RGPD3: variants seen among roughly 807,000 people sequenced by gnomAD.
RGPD3 encodes the protein ranBP2-like and GRIP domain-containing protein 3.
RGPD3 carries 62 observed loss-of-function variants against 154.5 expected under a neutral mutation model. The observed-to-expected ratio is 0.40, with a 90% CI of 0.33 to 0.50. The LOEUF is 0.50. RGPD3 is among the 20% of genes least tolerant of loss of function. The probability of loss-of-function intolerance (pLI) is 0.59; values close to 1 mark genes in which losing one functional copy is unlikely to be tolerated. For missense variants in RGPD3, 919 were observed against 1,716.8 expected (o/e 0.54, Z 8.21); for synonymous variants, 308 against 607.0 (o/e 0.51, Z 7.24).
intron 1 of RGPD3, among the ~76,000 whole-genome samples, chr2:106,464,187 C>T (rs1678488927): frequency 1.3e-5 from 2 of 151,792 alleles, no homozygotes; most frequent in Middle Eastern, 3.4e-3. Flanking sequence ...CTACTAAAAA[C>T]ACTAAAAAAT....
intron 18 of RGPD3, among the ~76,000 whole-genome samples, chr2:106,427,021 A>C (rs1445578689): frequency 2.6e-5 from 4 of 151,672 alleles, no homozygotes; most frequent in African/African-American, 4.8e-5. Context: ...AAAGTCTTGC[A>C]AGATGTCTGT....
chr2:106,408,681 T>A (rs1370496298), intron 22 of RGPD3, among the ~76,000 whole-genome samples: 1 of 150,232 alleles, frequency 6.7e-6, no homozygotes, highest in Non-Finnish European at 1.5e-5. Flanking sequence ...TATTTCTTAA[T>A]TTTTTTTTAA....
At position 106,424,942 on chromosome 2, in the gene RGPD3, C is replaced by T. The variant is rs983419486; in HGVS notation, c.3025G>A (p.Gly1009Ser). The T allele has an allele frequency of 1.2e-5, 19 of 1,611,710 alleles. No individual in the cohort carries two copies. Among genetic ancestry groups the T allele is most frequent in the Non-Finnish European group, 1.6e-5 (19 of 1,179,832 alleles). Residue 1009 changes from glycine (G) to serine (S), a missense_variant, in exon 20 of 23, where the codon GGT becomes AGT. Coordinates refer to ENST00000409886, the MANE Select transcript of RGPD3 (RefSeq NM_001144013.2). ...GTGTTTGCTTTATTGGCCATTTTAC[C>T]GTATTGTGATGAGAATAATTTTTCT... is the stretch of plus-strand genomic sequence containing the variant. ...AGEKLFSSQY[G>S]KMANKANTSG... is the part of the protein sequence containing the mutation.
In RGPD3 at chr2:106,405,123, T is replaced by C. The variant is rs1317822228; in HGVS notation, c.*96A>G. The C allele has an allele frequency of 1.3e-6, 2 of 1,567,972 alleles. No individual in the cohort carries two copies. The highest frequency in any genetic ancestry group is 2.2e-5 in the East Asian group (1 of 44,500). ...CACATGAACCATTTTTGTAAATAGA[T>C]TTTATTTGGTTAATAAAAACATTCC... On this transcript the variant is annotated 3_prime_UTR_variant, in exon 23 of 23. Coordinates refer to ENST00000409886, the MANE Select transcript of RGPD3 (RefSeq NM_001144013.2).
At chr2:106,426,779 C>G (rs1214231184) in intron 18 of RGPD3, among the ~76,000 whole-genome samples, 1 of 152,244 alleles carries the variant, frequency 6.6e-6, no homozygotes, top group African/African-American at 2.4e-5. Context: ...AGAAAACAAC[C>G]AAAAGATCTT....
At chr2:106,456,855 G>T in intron 4 of RGPD3, 116 bp downstream of exon 4, 1 of 1,501,988 alleles carries the variant, frequency 6.7e-7, no homozygotes, top group East Asian at 2.3e-5. Flanking sequence ...AAAGAAAAAT[G>T]TTAAAGGAAA....
intron 1 of RGPD3, among the ~76,000 whole-genome samples, chr2:106,465,831 G>A (rs1179250300): frequency 6.6e-6 from 1 of 151,590 alleles, no homozygotes; most frequent in Non-Finnish European, 1.5e-5. Context: ...CCTTACAAAG[G>A]GACAGCGACA....
intron 6 of RGPD3, among the ~76,000 whole-genome samples, chr2:106,449,080 C>T (rs1480915220): frequency 2.6e-5 from 4 of 151,572 alleles, no homozygotes; most frequent in East Asian, 3.9e-4. Flanking sequence ...TTCTATTAAG[C>T]GAGACATTAA....
chr2:106,438,005 C>G (rs1349898715), intron 9 of RGPD3, among the ~76,000 whole-genome samples: 1 of 152,236 alleles, frequency 6.6e-6, no homozygotes, highest in Non-Finnish European at 1.5e-5. Context: ...GATCTTGGCT[C>G]ACTGCAACCT....
upstream of RGPD3, among the ~76,000 whole-genome samples, chr2:106,469,207 C>T (rs1467458352): frequency 7.2e-6 from 1 of 139,460 alleles, no homozygotes; most frequent in Non-Finnish European, 1.5e-5. Flanking sequence ...AAAAATTCAG[C>T]TCCACTGGTC....
In RGPD3 at chr2:106,426,192, A is replaced by G. The variant is rs532589198; in HGVS notation, c.2606-104T>C. 31 of 1,327,210 alleles carry G rather than the reference A, an allele frequency of 2.3e-5. No homozygotes were observed. The Admixed American group carries it at 5.6e-4, about 24-fold the overall frequency. The allele number at this position is 1,327,210 out of a possible 1,614,324, so 82.2% of individuals were successfully genotyped here. A position where few individuals can be genotyped will look rare whatever the true frequency, so the allele number is the denominator to read the frequency against. ...ATACAAAAGCAATAGAAATTAAAGA[A>G]AGATTTAACTACATAAATTTTAAAT... is the stretch of plus-strand genomic sequence containing the variant. On this transcript the variant is annotated intron_variant, in intron 18 of 22. Coordinates refer to ENST00000409886, the MANE Select transcript of RGPD3 (RefSeq NM_001144013.2).
chr2:106,461,830 C>CA (rs1225479398), intron 1 of RGPD3, among the ~76,000 whole-genome samples: 77 of 141,990 alleles, frequency 5.4e-4, no homozygotes, highest in African/African-American at 8.3e-4. Context: ...GACTCCATCT[C>CA]AAAAAAAAAA....
chr2:106,465,370 G>GA (rs1036987549), intron 1 of RGPD3, among the ~76,000 whole-genome samples: 2 of 151,878 alleles, frequency 1.3e-5, no homozygotes, highest in Non-Finnish European at 2.9e-5. Context: ...CAATTTGGGG[G>GA]AAAAAAAGAC....
At chr2:106,414,335 A>G (rs2104446418) in intron 21 of RGPD3, among the ~76,000 whole-genome samples, 1 of 152,342 alleles carries the variant, frequency 6.6e-6, no homozygotes, top group Non-Finnish European at 1.5e-5. Context: ...ATGAAAATAT[A>G]ACATTTGGCC....
Position 106,468,217 on chromosome 2 carries a change from C to T in RGPD3, c.72G>A (p.Lys24=), listed in dbSNP as rs1400848939. ...SVQGSAPSPR[K]KSTRGFYFAK... is the part of the protein sequence containing the mutation. ...GTCGGTCTCTTCCAGACCCACTCAC[C>T]TTTCGAGGCGACGGGGCGGAGCCCT... The change falls in exon 1 of 23, where the codon AAG becomes AAA. Residue 24 remains lysine, a splice_region_variant and synonymous_variant. Transcript: ENST00000409886. The T allele has an allele frequency of 6.2e-6, 10 of 1,604,964 alleles. No homozygotes were observed. Among genetic ancestry groups the T allele is most frequent in the Non-Finnish European group, 7.6e-6 (9 of 1,176,918 alleles).
intron 17 of RGPD3, among the ~76,000 whole-genome samples, chr2:106,432,294 A>C (rs1284889625): frequency 6.8e-6 from 1 of 147,924 alleles, no homozygotes; most frequent in African/African-American, 2.5e-5. Context: ...GTCTACTAAA[A>C]ATACAAAAAT....
chr2:106,468,431 C>T (rs946466703), upstream of RGPD3: 5 of 1,484,294 alleles, frequency 3.4e-6, no homozygotes, highest in African/African-American at 2.8e-5. Context: ...TTGTGTCCTG[C>T]GTCAACAGTG....
At chr2:106,446,753 G>A (rs1425941990) in intron 7 of RGPD3, among the ~76,000 whole-genome samples, 9 of 150,956 alleles carry the variant, frequency 6.0e-5, no homozygotes, top group Non-Finnish European at 8.8e-5. Context: ...TTGGTAGCAC[G>A]GGCCTGTAGT....
At chr2:106,448,331 C>T (rs1266868464) in intron 6 of RGPD3, among the ~76,000 whole-genome samples, 29 of 152,190 alleles carry the variant, frequency 1.9e-4, no homozygotes, top group Admixed American at 3.3e-4. Context: ...AGGCTGGTCT[C>T]GAACTCCTGA....
Sources: gnomAD v4.1 joint callset for allele counts (sites outside exome capture counted in the v4.1 genomes callset) on GRCh38, gnomAD v4.1.1 for gene constraint, MANE v1.5 for transcripts, NCBI Gene and HGNC (gene_info 2026-07-23, HGNC 2026-07-21) for gene names.